Variants in FHIT observed in about 807,000 individuals in gnomAD.
FHIT encodes the protein fragile histidine triad diadenosine triphosphatase, also known as bis(5'-adenosyl)-triphosphatase.
A neutral mutation model predicts 17.9 loss-of-function variants in FHIT; 19 were observed. The ratio of observed to expected loss-of-function variants is 1.06; its 90% CI spans 0.74 to 1.56. FHIT has a LOEUF of 1.56. Ranked by LOEUF, FHIT falls within the 40% of genes most tolerant of loss-of-function variation. The pLI is 0.00. For synonymous variants in FHIT, 81 were observed against 69.7 expected, an observed-to-expected ratio of 1.16 and a Z score of -0.81; for missense variants, 248 against 189.2, an observed-to-expected ratio of 1.31 and a Z score of -1.82.
intron 2 of FHIT, among the ~76,000 whole-genome samples, chr3:61,134,952 G>A (rs2036871165): frequency 6.6e-6 from 1 of 152,118 alleles, no homozygotes; most frequent in African/African-American, 2.4e-5. Flanking sequence ...TTCAGCCCAG[G>A]CCATGCAGAC....
intron 8 of FHIT, among the ~76,000 whole-genome samples, chr3:59,849,078 A>C (rs1468021856): frequency 6.6e-6 from 1 of 152,166 alleles, no homozygotes; most frequent in East Asian, 1.9e-4. Flanking sequence ...TTGTTAAGAA[A>C]TAAGATTCTC....
intron 3 of FHIT, among the ~76,000 whole-genome samples, chr3:60,915,146 T>G (rs1706938077): frequency 2.0e-5 from 3 of 152,222 alleles, no homozygotes; most frequent in African/African-American, 7.2e-5. Context: ...GAGTGTATTT[T>G]TCTTCCATGT....
intron 4 of FHIT, among the ~76,000 whole-genome samples, chr3:60,588,936 G>C (rs142490079): frequency 1.3e-5 from 2 of 152,092 alleles, no homozygotes; most frequent in South Asian, 2.1e-4. Context: ...GGAAAAATTG[G>C]TCATAAATAT....
chr3:61,030,586 T>C (rs1409919677), intron 3 of FHIT, among the ~76,000 whole-genome samples: 1 of 152,198 alleles, frequency 6.6e-6, no homozygotes. Flanking sequence ...ACAAAGATCT[T>C]TGTACTCACA....
chr3:60,120,689 C>T (rs1705207948), intron 5 of FHIT, among the ~76,000 whole-genome samples: 1 of 152,180 alleles, frequency 6.6e-6, no homozygotes, highest in Non-Finnish European at 1.5e-5. Flanking sequence ...TCAATATCAT[C>T]TTCAGCAATA....
At chr3:60,017,521 T>C (rs1247417341) in intron 5 of FHIT, among the ~76,000 whole-genome samples, 1 of 152,220 alleles carries the variant, frequency 6.6e-6, no homozygotes, top group Non-Finnish European at 1.5e-5. Flanking sequence ...CTGGGTCAGG[T>C]TGTCAGACAC....
At chr3:59,962,198 T>C (rs200222601) in intron 7 of FHIT, among the ~76,000 whole-genome samples, 1 of 152,198 alleles carries the variant, frequency 6.6e-6, no homozygotes, top group Non-Finnish European at 1.5e-5. Context: ...CCAGTTCATA[T>C]GGTTGAGAGA....
intron 8 of FHIT, among the ~76,000 whole-genome samples, chr3:59,758,509 A>G (rs2106768728): frequency 6.6e-6 from 1 of 152,264 alleles, no homozygotes; most frequent in South Asian, 2.1e-4. Context: ...TTACTGAGAG[A>G]AACTTATTCC....
At chr3:61,180,445 T>C (rs528839544) in intron 2 of FHIT, among the ~76,000 whole-genome samples, 1 of 152,358 alleles carries the variant, frequency 6.6e-6, no homozygotes, top group African/African-American at 2.4e-5. Context: ...TTTTCCTTTC[T>C]TCCCTCTCAA....
chr3:60,942,962 A>G (rs973125182), intron 3 of FHIT, among the ~76,000 whole-genome samples: 1 of 152,146 alleles, frequency 6.6e-6, no homozygotes, highest in Non-Finnish European at 1.5e-5. Flanking sequence ...CCAAATGTAT[A>G]AAGTTTTGAA....
intron 5 of FHIT, among the ~76,000 whole-genome samples, chr3:60,042,728 T>C (rs1173956742): frequency 6.6e-6 from 1 of 152,052 alleles, no homozygotes; most frequent in Non-Finnish European, 1.5e-5. Flanking sequence ...CTTCAACTTA[T>C]CTTTCTTTGC....
At chr3:59,869,407 T>C (rs1174702992) in intron 8 of FHIT, among the ~76,000 whole-genome samples, 1 of 152,060 alleles carries the variant, frequency 6.6e-6, no homozygotes. Flanking sequence ...AAACCATCCT[T>C]CACTGAGTTG....
At chr3:60,431,166 G>A (rs945427292) in intron 5 of FHIT, among the ~76,000 whole-genome samples, 22 of 150,730 alleles carry the variant, frequency 1.5e-4, no homozygotes, top group Admixed American at 8.6e-4. Context: ...AGCTGAGATC[G>A]CACCACTGCA....
chr3:61,031,672 C>G (rs2033015310), intron 3 of FHIT, among the ~76,000 whole-genome samples: 1 of 152,182 alleles, frequency 6.6e-6, no homozygotes, highest in African/African-American at 2.4e-5. Flanking sequence ...ATGTTGTTAT[C>G]TTGTAGGTAA....
chr3:60,852,292 T>A (rs1703186232), intron 3 of FHIT, among the ~76,000 whole-genome samples: 1 of 152,036 alleles, frequency 6.6e-6, no homozygotes, highest in Non-Finnish European at 1.5e-5. Flanking sequence ...CACCATTGGG[T>A]CTCCTGGGTC....
chr3:60,083,790 G>C (rs1045045866), intron 5 of FHIT, among the ~76,000 whole-genome samples: 1 of 152,190 alleles, frequency 6.6e-6, no homozygotes, highest in Admixed American at 6.5e-5. Flanking sequence ...CTGTGTTCCA[G>C]TGAAACTTTA....
At chr3:60,609,036 A>T (rs2038698095) in intron 4 of FHIT, among the ~76,000 whole-genome samples, 1 of 151,942 alleles carries the variant, frequency 6.6e-6, no homozygotes, top group African/African-American at 2.4e-5. Flanking sequence ...AAAAAAAAAA[A>T]AGTATATAAA....
At chr3:60,722,533 T>C (rs1294604528) in intron 4 of FHIT, among the ~76,000 whole-genome samples, 2 of 152,102 alleles carry the variant, frequency 1.3e-5, no homozygotes, top group Non-Finnish European at 2.9e-5. Flanking sequence ...GGTCATTCTT[T>C]GCTGTGAAGT....
At chr3:61,205,657 T>A (rs1038749186) in intron 1 of FHIT, among the ~76,000 whole-genome samples, 3 of 152,148 alleles carry the variant, frequency 2.0e-5, no homozygotes, top group Non-Finnish European at 4.4e-5. Context: ...TTTCCCACTT[T>A]TTGATGGGGT....
Sources: gnomAD v4.1 joint callset for allele counts (sites outside exome capture counted in the v4.1 genomes callset) on GRCh38, gnomAD v4.1.1 for gene constraint, MANE v1.5 for transcripts, NCBI Gene and HGNC (gene_info 2026-07-23, HGNC 2026-07-21) for gene names.